CARHSP1: variants seen among roughly 807,000 people sequenced by gnomAD.
CARHSP1 encodes calcium-regulated heat-stable protein 1.
Under a neutral mutation model 12.5 loss-of-function variants are expected in CARHSP1, and 14 were observed. The ratio of observed to expected loss-of-function variants is 1.12; its 90% confidence interval spans 0.74 to 1.75. CARHSP1 has a LOEUF of 1.75. Ranked by LOEUF, CARHSP1 falls within the 40% of genes most tolerant of loss-of-function variation. The pLI, the probability that CARHSP1 is intolerant of heterozygous loss-of-function variation, is 0.00. For missense variants in CARHSP1, 343 were observed against 201.6 expected (o/e 1.70, Z -4.25); for synonymous variants, 161 against 82.0 (o/e 1.96, Z -5.20).
intron 3 of CARHSP1, among the ~76,000 whole-genome samples, chr16:8,856,305 G>A (rs930588042): frequency 6.6e-6 from 1 of 152,062 alleles, no homozygotes; most frequent in African/African-American, 2.4e-5. Context: ...TAAATGCAAG[G>A]GCCAGCCAGC....
chr16:8,857,488 A>G (rs2061175737), intron 3 of CARHSP1: 1 of 7,950 alleles, frequency 1.3e-4, no homozygotes, highest in Non-Finnish European at 3.6e-4. Context: ...TTTTGTGATG[A>G]CAGGATTTCA....
Position 8,860,219 on chromosome 16 carries a change from C to T in CARHSP1, c.-7-884G>A. 4 of 985,260 alleles carry T rather than the reference C, an allele frequency of 4.1e-6. No individual in the cohort carries two copies. In the South Asian group the frequency reaches 1.9e-4, roughly 46 times the overall value. The allele number at this position is 985,260 out of a possible 1,614,324, so 61.0% of individuals were successfully genotyped here. On this transcript the variant is annotated intron_variant, in intron 1 of 3. Transcript: ENST00000311052. ...CCTGCACCCAGGACTGGGGGGCCTG[C>T]TGCGAGAGCCCAAAGGGAAAGGGAG...
intron 3 of CARHSP1, chr16:8,857,888 A>C (rs1596529483): frequency 2.5e-5 from 4 of 158,232 alleles, no homozygotes; most frequent in African/African-American, 7.3e-5. Flanking sequence ...CAGCCTCCCG[A>C]GTAGCTGGGA....
chr16:8,860,110 C>T lies in CARHSP1; in HGVS notation c.-7-775G>A, dbSNP rs767467517. 21 of 984,520 alleles carry T rather than the reference C, an allele frequency of 2.1e-5. 1 individual carries two copies. Among genetic ancestry groups the T allele is most frequent in the East Asian group, 1.1e-4 (1 of 8,814 alleles). The allele number at this position is 984,520 out of a possible 1,614,324, so 61.0% of individuals were successfully genotyped here. The stretch of plus-strand genomic sequence containing the variant: ...AAGCAGGGGCAAAAACTGACCCTCA[C>T]GCAGTGTCCGCCTCCAGGGAACTGT... On this transcript the variant is annotated intron_variant, in intron 1 of 3. Transcript: ENST00000311052.
intron 1 of CARHSP1, chr16:8,860,477 C>T (rs779098126): frequency 1.2e-4 from 120 of 985,286 alleles, no homozygotes; most frequent in Non-Finnish European, 1.4e-4. Context: ...TCGGCTCTAA[C>T]GTGGCCTCAG....
At chr16:8,858,608 T>G in intron 2 of CARHSP1, 136 bp from the exon 3 acceptor site, 1 of 1,071,890 alleles carries the variant, frequency 9.3e-7, no homozygotes, top group South Asian at 1.6e-5. Context: ...GGCTGAGGAC[T>G]GCACAACCCT....
intron 1 of CARHSP1, chr16:8,868,591 A>C (rs2061485126): frequency 6.6e-6 from 1 of 150,540 alleles, no homozygotes; most frequent in Non-Finnish European, 1.5e-5. Context: ...CCCGCGTGCG[A>C]CGCCCCCCGC....
intron 3 of CARHSP1, among the ~76,000 whole-genome samples, chr16:8,855,575 A>G (rs1274746148): frequency 2.0e-5 from 3 of 152,186 alleles, no homozygotes; most frequent in Non-Finnish European, 2.9e-5. Flanking sequence ...TGGAACTGAA[A>G]GAGTTCAGCC....
At chr16:8,856,261 GA>G (rs2061101956) in intron 3 of CARHSP1, among the ~76,000 whole-genome samples, 1 of 152,128 alleles carries the variant, frequency 6.6e-6, no homozygotes, top group South Asian at 2.1e-4. Flanking sequence ...TCCCCTTGAT[GA>G]AACCCCCCCA....
chr16:8,858,386 G>C lies in CARHSP1; in HGVS notation c.245C>G (p.Ala82Gly). The change falls in exon 3 of 4, where the codon GCT becomes GGT. Residue 82 changes from alanine (A) to glycine (G), a missense_variant. Transcript: ENST00000311052. The stretch of plus-strand genomic sequence containing the variant: ...CAGGAAGATGTCGGGGCCGCCATCA[G>C]CTGGAGTAATGAAGCCATGGCCCTT... ...RSKGHGFITP[A>G]DGGPDIFLHI... The C allele has an allele frequency of 9.9e-6, 16 of 1,614,068 alleles. No homozygotes were observed. Among genetic ancestry groups the C allele is most frequent in the Non-Finnish European group, 1.3e-5 (15 of 1,180,016 alleles).
chr16:8,868,491 G>C (rs1305713765), intron 1 of CARHSP1: 1 of 150,162 alleles, frequency 6.7e-6, no homozygotes, highest in Non-Finnish European at 1.5e-5. Context: ...GCGCCAGGAC[G>C]GCTCCCCACC....
chr16:8,861,989 C>CTTT lies in CARHSP1; in HGVS notation c.-7-2657_-7-2655dup, dbSNP rs537614451. On this transcript the variant is annotated intron_variant, in intron 1 of 3. Coordinates refer to ENST00000311052, the MANE Select transcript of CARHSP1 (RefSeq NM_014316.4). ...TTCTCCTGGAGTCAAGCATAGCTGA[C>CTTT]TTTTTTTTTTTTTTTTTTTTTTTTT... 1.6e-3 allele frequency among the ~76,000 whole-genome samples: 130 copies of CTTT among 79,790 alleles called. 8 individuals are homozygous for CTTT. Among genetic ancestry groups the CTTT allele is most frequent in the Non-Finnish European group, 2.6e-3 (102 of 38,838 alleles). The allele number at this position is 79,790 out of a possible 152,430, so 52.3% of individuals were successfully genotyped here. A position where few individuals can be genotyped will look rare whatever the true frequency, so the allele number is the denominator to read the frequency against.
chr16:8,861,636 G>C (rs1241574261), intron 1 of CARHSP1: 1 of 1,289,114 alleles, frequency 7.8e-7, no homozygotes, highest in Admixed American at 2.3e-5. Context: ...CTGGTGGCTG[G>C]CTTGCCTTCT....
At chr16:8,865,358 C>G (rs1184012012) in intron 1 of CARHSP1, among the ~76,000 whole-genome samples, 1 of 152,232 alleles carries the variant, frequency 6.6e-6, no homozygotes, top group Non-Finnish European at 1.5e-5. Flanking sequence ...GATTTACCCG[C>G]TTCAGCCTCC....
chr16:8,855,144 AG>A lies in CARHSP1; in HGVS notation c.*19del. The A allele has an allele frequency of 1.9e-6, 3 of 1,560,302 alleles. No individual in the cohort carries two copies. The highest frequency in any genetic ancestry group is 2.4e-5 in the South Asian group (2 of 84,568). ...CAAAGTCTCCCACAAGCACAGGACA[AG>A]GGGTGCTTCCACCATCTCCTAGGAG... is the stretch of plus-strand genomic sequence containing the variant. On this transcript the variant is annotated 3_prime_UTR_variant, in exon 4 of 4. Coordinates refer to ENST00000311052, the MANE Select transcript of CARHSP1 (RefSeq NM_014316.4).
At chr16:8,868,481 G>T (rs2141134809) in intron 1 of CARHSP1, 1 of 150,618 alleles carries the variant, frequency 6.6e-6, no homozygotes, top group Middle Eastern at 3.5e-3. Context: ...TAATCGCGCG[G>T]CGCCAGGACG....
rs1315960023 is a variant in CARHSP1, at chr16:8,857,263, G to GTTTTTTGTTTTTTTTT, written c.281+1086_281+1087insAAAAAAAAACAAAAAA. On this transcript the variant is annotated intron_variant, in intron 3 of 3. Transcript: ENST00000311052. ...TGGCTATGTGATCTTGGGCAGATCT[G>GTTTTTTGTTTTTTTTT]TTTTTTTTTTTTTTTTTTTTTTTTT... Among the ~76,000 whole-genome samples the GTTTTTTGTTTTTTTTT allele has an allele frequency of 4.7e-3, 269 of 57,028 alleles. 27 individuals carry two copies. The highest frequency in any genetic ancestry group is 6.4e-3 in the Non-Finnish European group (172 of 26,894). 37.4% of individuals were successfully genotyped at this position (57,028 alleles called of 152,430 possible).
chr16:8,859,397 C>G, intron 1 of CARHSP1, 62 bp from the exon 2 acceptor site: 1 of 1,420,494 alleles, frequency 7.0e-7, no homozygotes, highest in Non-Finnish European at 9.6e-7. Flanking sequence ...TGTGCTTACC[C>G]CCATGTCCAC....
intron 1 of CARHSP1, among the ~76,000 whole-genome samples, chr16:8,861,291 T>G (rs980111601): frequency 1.4e-5 from 2 of 145,890 alleles, no homozygotes; most frequent in Non-Finnish European, 3.0e-5. Flanking sequence ...AGTGCTAGGA[T>G]TACAGGCATG....
Sources: gnomAD v4.1 joint callset for allele counts (sites outside exome capture counted in the v4.1 genomes callset) on GRCh38, gnomAD v4.1.1 for gene constraint, MANE v1.5 for transcripts, NCBI Gene and HGNC (gene_info 2026-07-23, HGNC 2026-07-21) for gene names.